DCTN4: variants seen among roughly 807,000 people sequenced by gnomAD.
DCTN4 encodes dynactin subunit 4, also known as dynactin 4 (p62).
DCTN4 carries 23 observed loss-of-function variants against 62.7 expected under a neutral mutation model. The ratio of observed to expected loss-of-function variants is 0.37; its 90% CI spans 0.26 to 0.52. The LOEUF is 0.52. DCTN4 is among the 20% of genes least tolerant of loss of function. The pLI is 0.92. For synonymous variants in DCTN4, 199 were observed against 202.1 expected (o/e 0.98, Z 0.13); for missense variants, 514 against 580.4 (o/e 0.89, Z 1.18).
chr5:150,729,042 C>CCTTTTTGTTT (rs762124472), intron 8 of DCTN4, among the ~76,000 whole-genome samples: 1 of 52,140 alleles, frequency 1.9e-5, no homozygotes, highest in South Asian at 6.3e-4. Context: ...ACCACACTGG[C>CCTTTTTGTTT]TTTTTTTTTT....
Position 150,737,825 on chromosome 5 carries a change from C to T in DCTN4, c.429+4289G>A, listed in dbSNP as rs187550184. 3.3e-3 allele frequency among the ~76,000 whole-genome samples: 503 copies of T among 151,942 alleles called. 2 individuals carry two copies. Among genetic ancestry groups the T allele is most frequent in the African/African-American group, 0.011 (455 of 41,462 alleles). On this transcript the variant is annotated intron_variant, in intron 4 of 12. Coordinates refer to ENST00000447998, the MANE Select transcript of DCTN4 (RefSeq NM_016221.4). The stretch of plus-strand genomic sequence containing the variant: ...GAGACAATAAAAAAGATAAATGAAA[C>T]GAAAAGCTGGCTCTTTGAAAAGATA...
rs1752868248 is a variant in DCTN4 at position 150,756,478 on chromosome 5, G to A, written c.145C>T (p.His49Tyr). 1.9e-6 allele frequency: 3 copies of A among 1,599,570 alleles called. No individual in the cohort carries two copies. Among genetic ancestry groups the A allele is most frequent in the Non-Finnish European group, 2.6e-6 (3 of 1,173,574 alleles). The change falls in exon 2 of 13, where the codon CAT becomes TAT. Residue 49 changes from histidine (H) to tyrosine (Y), a missense_variant. Transcript: ENST00000447998. Reference sequence around the variant, plus strand: ...TTTTCTAAACAACTGGGACAATAATGGGAGTCCACCTAGGAGGAAACAAGA... The same window carrying A: ...TTTTCTAAACAACTGGGACAATAATAGGAGTCCACCTAGGAGGAAACAAGA... Reference protein sequence around the residue: ...LECVSHEVDSHYCPSCLENMP... With the variant: ...LECVSHEVDSYYCPSCLENMP...
chr5:150,739,255 G>A (rs1760689073), intron 4 of DCTN4, among the ~76,000 whole-genome samples: 1 of 151,608 alleles, frequency 6.6e-6, no homozygotes, highest in Non-Finnish European at 1.5e-5. Flanking sequence ...CAGTAGCACT[G>A]CTATACACCA....
intron 3 of DCTN4, among the ~76,000 whole-genome samples, chr5:150,752,403 T>A (rs936405508): frequency 6.6e-6 from 1 of 152,232 alleles, no homozygotes; most frequent in African/African-American, 2.4e-5. Flanking sequence ...TCTCTTTCAC[T>A]GATAAACATT....
intron 2 of DCTN4, among the ~76,000 whole-genome samples, chr5:150,754,480 A>G (rs1300792500): frequency 1.3e-5 from 2 of 152,244 alleles, no homozygotes; most frequent in Non-Finnish European, 2.9e-5. Context: ...GGAAAGACAA[A>G]TAATAGTGGT....
At chr5:150,747,925 C>A (rs866888546) in intron 3 of DCTN4, among the ~76,000 whole-genome samples, 4,967 of 141,156 alleles carry the variant, frequency 0.035, 278 homozygotes, top group African/African-American at 0.13. Flanking sequence ...GCAACAAAAG[C>A]CAAAATTGAC....
chr5:150,732,159 A>T (rs1334963020), intron 5 of DCTN4, among the ~76,000 whole-genome samples: 1 of 151,884 alleles, frequency 6.6e-6, no homozygotes, highest in Non-Finnish European at 1.5e-5. Flanking sequence ...TCTAATCTAG[A>T]TTTTTTTTGA....
intron 3 of DCTN4, among the ~76,000 whole-genome samples, chr5:150,750,755 C>T (rs1011430222): frequency 2.0e-5 from 3 of 152,074 alleles, no homozygotes; most frequent in African/African-American, 7.2e-5. Context: ...TGTATGGATG[C>T]TAATAAACAC....
intron 3 of DCTN4, among the ~76,000 whole-genome samples, chr5:150,746,526 G>C (rs1760970990): frequency 6.6e-6 from 1 of 152,112 alleles, no homozygotes; most frequent in Admixed American, 6.5e-5. Flanking sequence ...GAACATTGAT[G>C]CAAAAATCCT....
intron 5 of DCTN4, chr5:150,731,829 C>A: frequency 6.8e-7 from 1 of 1,481,006 alleles, no homozygotes; most frequent in Non-Finnish European, 9.2e-7. Flanking sequence ...TCCTGGAACA[C>A]CAGTGGTCAT....
chr5:150,714,666 T>C (rs1222714727), intron 12 of DCTN4, among the ~76,000 whole-genome samples: 1 of 152,148 alleles, frequency 6.6e-6, no homozygotes, highest in Non-Finnish European at 1.5e-5. Flanking sequence ...TAAGCCACCA[T>C]GCCCGGCCCA....
At chr5:150,735,087 T>C (rs1178972859) in intron 4 of DCTN4, among the ~76,000 whole-genome samples, 2 of 152,146 alleles carry the variant, frequency 1.3e-5, no homozygotes, top group Non-Finnish European at 2.9e-5. Flanking sequence ...CTTGGGAGCT[T>C]TATGGCCCCA....
chr5:150,758,562 T>C (rs1752947220), intron 1 of DCTN4: 3 of 1,129,418 alleles, frequency 2.7e-6, no homozygotes, highest in Non-Finnish European at 2.2e-6. Flanking sequence ...CCCCCAGACC[T>C]TTCTCCGTAG....
intron 1 of DCTN4, chr5:150,758,077 C>T: frequency 1.0e-6 from 1 of 985,220 alleles, no homozygotes; most frequent in Non-Finnish European, 1.2e-6. Flanking sequence ...TTCACTAAGA[C>T]TATGGCTTAT....
intron 3 of DCTN4, among the ~76,000 whole-genome samples, chr5:150,742,396 CT>C (rs2113103994): frequency 6.6e-6 from 1 of 152,260 alleles, no homozygotes; most frequent in Non-Finnish European, 1.5e-5. Context: ...ATTACATTTC[CT>C]TTTATTCTCA....
At chr5:150,758,166 G>A in intron 1 of DCTN4, 1 of 985,592 alleles carries the variant, frequency 1.0e-6, no homozygotes, top group Non-Finnish European at 1.2e-6. Context: ...AAGCGCTGCA[G>A]AAGTTTTGGG....
intron 5 of DCTN4, among the ~76,000 whole-genome samples, chr5:150,732,290 T>C (rs544376829): frequency 3.9e-5 from 6 of 152,242 alleles, no homozygotes; most frequent in African/African-American, 1.4e-4. Context: ...GCTGAGATTA[T>C]AGGCGTGCGC....
At chr5:150,751,938 T>C (rs1752690149) in intron 3 of DCTN4, among the ~76,000 whole-genome samples, 1 of 152,196 alleles carries the variant, frequency 6.6e-6, no homozygotes, top group African/African-American at 2.4e-5. Flanking sequence ...AGAAAGGTTT[T>C]AGCCAGTCTG....
rs1759516950 is a variant in DCTN4 at position 150,710,413 on chromosome 5, A to T, written c.*736T>A. 6.6e-6 allele frequency: 1 copy of T among 152,276 alleles called. No homozygotes were observed. Among genetic ancestry groups the T allele is most frequent in the Non-Finnish European group, 1.5e-5 (1 of 68,054 alleles). The allele number at this position is 152,276 out of a possible 1,614,324, so 9.4% of individuals were successfully genotyped here. ...ATATTGAAAACGAATGGAATCTGCT[A>T]CCCCCTTGACATGACATGTAATTGT... On this transcript the variant is annotated 3_prime_UTR_variant, in exon 13 of 13. Transcript: ENST00000447998.
Sources: gnomAD v4.1 joint callset for allele counts (sites outside exome capture counted in the v4.1 genomes callset) on GRCh38, gnomAD v4.1.1 for gene constraint, MANE v1.5 for transcripts, NCBI Gene and HGNC (gene_info 2026-07-23, HGNC 2026-07-21) for gene names.